Variants in MTR observed in about 807,000 individuals in gnomAD.
The protein encoded by MTR is 5-methyltetrahydrofolate-homocysteine methyltransferase, also known as methionine synthase.
A neutral mutation model predicts 154.8 loss-of-function variants in MTR; 84 were observed. That is an observed-to-expected ratio of 0.54 (90% CI 0.45 to 0.65). The LOEUF (loss-of-function observed/expected upper bound fraction) is 0.65. Ranked by LOEUF, MTR falls within the 30% of genes least tolerant of loss-of-function variation. The pLI, the probability that MTR is intolerant of heterozygous loss-of-function variation, is 0.00. For missense variants in MTR, 1,275 were observed against 1,570.2 expected (o/e 0.81, Z 3.18); for synonymous variants, 554 against 553.9 (o/e 1.00, Z 0.00).
At chr1:236,890,943 C>T (rs115468113) in intron 28 of MTR, among the ~76,000 whole-genome samples, 190 bp from the exon 29 acceptor site, 14 of 152,264 alleles carry the variant, frequency 9.2e-5, no homozygotes, top group African/African-American at 3.4e-4. Flanking sequence ...CTGCACTTAG[C>T]AGGAGCCGCA....
rs1485460232 is a variant in MTR at position 236,873,765 on chromosome 1, T to G, written c.2406-8T>G. 1 of 1,612,900 alleles carries G rather than the reference T, an allele frequency of 6.2e-7. No homozygotes were observed. The highest frequency in any genetic ancestry group is 1.7e-5 in the Admixed American group (1 of 60,028). ...TTAATTTTCTCATGTCTCATTTCTG[T>G]GCCTCAGAGTTATTGATTTAGGAGT... is the stretch of plus-strand genomic sequence containing the variant. On this transcript the variant is annotated splice_region_variant and splice_polypyrimidine_tract_variant and intron_variant, in intron 22 of 32. Transcript: ENST00000366577.
chr1:236,825,312 A>G, intron 9 of MTR, 26 bp from the exon 10 acceptor site: 3 of 1,585,614 alleles, frequency 1.9e-6, no homozygotes, highest in Non-Finnish European at 2.6e-6. Context: ...GCAATTTGCA[A>G]TAATGGTTGA....
rs1222947869 is a variant in MTR at position 236,805,993 on chromosome 1, T to C, written c.250-151T>C. The C allele has an allele frequency of 7.1e-6, 5 of 704,146 alleles. No individual in the cohort carries two copies. In the Admixed American group the frequency reaches 1.1e-4, roughly 15 times the overall value. 43.6% of individuals were successfully genotyped at this position (704,146 alleles called of 1,614,324 possible). ...GCCTTTCTGTGAAATCCTTACACCT[T>C]TTTGCATCTCTACCTTCTAATGCAG... On this transcript the variant is annotated intron_variant, in intron 2 of 32. Coordinates refer to ENST00000366577, the MANE Select transcript of MTR (RefSeq NM_000254.3).
At chr1:236,850,133 A>G (rs1233932314) in intron 15 of MTR, among the ~76,000 whole-genome samples, 1 of 152,162 alleles carries the variant, frequency 6.6e-6, no homozygotes, top group East Asian at 1.9e-4. Flanking sequence ...AGATAATTTG[A>G]TAAGTGATCG....
At chr1:236,822,303 G>GTTT (rs1198665229) in intron 8 of MTR, among the ~76,000 whole-genome samples, 141 of 115,078 alleles carry the variant, frequency 1.2e-3, no homozygotes, top group South Asian at 1.7e-3. Flanking sequence ...GTTTTGTGGG[G>GTTT]TTTTTTTTGT....
At chr1:236,817,350 A>C (rs1355189839) in intron 8 of MTR, among the ~76,000 whole-genome samples, 2 of 151,022 alleles carry the variant, frequency 1.3e-5, no homozygotes, top group Non-Finnish European at 2.9e-5. Flanking sequence ...ACTTCTTCTT[A>C]GCCTTTAAGA....
intron 16 of MTR, among the ~76,000 whole-genome samples, chr1:236,851,995 C>G (rs1266612597): frequency 6.6e-6 from 1 of 152,114 alleles, no homozygotes; most frequent in African/African-American, 2.4e-5. Context: ...AGCATAGACC[C>G]AGAAGTGGTT....
In MTR at chr1:236,900,175, C is replaced by A; in HGVS notation, c.*2531C>A. On this transcript the variant is annotated 3_prime_UTR_variant, in exon 33 of 33. Transcript: ENST00000366577. ...AAAAAGTGAAATGTATGTCTGTCTA[C>A]AGGAAAATAGGTGAATAATTAGATA... 2.5e-6 allele frequency: 1 copy of A among 405,076 alleles called. No individual in the cohort carries two copies. Among genetic ancestry groups the A allele is most frequent in the Non-Finnish European group, 4.9e-6 (1 of 202,084 alleles). The allele number at this position is 405,076 out of a possible 1,614,324, so 25.1% of individuals were successfully genotyped here.
intron 15 of MTR, among the ~76,000 whole-genome samples, chr1:236,850,051 T>G (rs887369605): frequency 1.3e-5 from 2 of 152,128 alleles, no homozygotes; most frequent in African/African-American, 4.8e-5. Flanking sequence ...TAAGGTTTGA[T>G]TTTTTGCAGA....
At chr1:236,802,088 T>G (rs1024520305) in intron 1 of MTR, among the ~76,000 whole-genome samples, 5 of 152,194 alleles carry the variant, frequency 3.3e-5, no homozygotes, top group African/African-American at 1.2e-4. Flanking sequence ...GTGGGACCAT[T>G]GTGCATGGCA....
chr1:236,867,501 A>T (rs1399072392), intron 22 of MTR, among the ~76,000 whole-genome samples: 3 of 152,208 alleles, frequency 2.0e-5, no homozygotes, highest in Non-Finnish European at 4.4e-5. Flanking sequence ...CTGCTAACAC[A>T]ACATCCATTC....
chr1:236,902,492 T>G lies in MTR; in HGVS notation c.*4848T>G, dbSNP rs1351295679. ...GTCTAAAATAGTGCTTGCTTTATGA[T>G]AGGTGCTCAGTAAAGGTTGTCTTGA... On this transcript the variant is annotated 3_prime_UTR_variant, in exon 33 of 33. Coordinates refer to ENST00000366577, the MANE Select transcript of MTR (RefSeq NM_000254.3). 1.3e-5 allele frequency: 2 copies of G among 152,354 alleles called. No individual in the cohort carries two copies. The highest frequency in any genetic ancestry group is 4.8e-5 in the African/African-American group (2 of 41,564). The allele number at this position is 152,354 out of a possible 1,614,324, so 9.4% of individuals were successfully genotyped here. A position where few individuals can be genotyped will look rare whatever the true frequency, so the allele number is the denominator to read the frequency against.
rs1409075366 is a variant in MTR at position 236,862,281 on chromosome 1, A to G, written c.2242A>G (p.Ile748Val). The change falls in exon 21 of 33, where the codon ATC becomes GTC. Residue 748 changes from isoleucine (I) to valine (V), a missense_variant. Ile to Val is a conservative substitution (Grantham distance 29, BLOSUM62 3). Coordinates refer to ENST00000366577, the MANE Select transcript of MTR (RefSeq NM_000254.3). Reference sequence around the variant, plus strand: ...TATGAAGAAGGCTGTTGGCCACCTTATCCCTTTCATGGAAAAAGAAAGAGA... The same window carrying G: ...TATGAAGAAGGCTGTTGGCCACCTTGTCCCTTTCATGGAAAAAGAAAGAGA... ...RVMKKAVGHL[I>V]PFMEKEREET... is the part of the protein sequence containing the mutation. 3.7e-6 allele frequency: 6 copies of G among 1,614,036 alleles called. No homozygotes were observed. The highest frequency in any genetic ancestry group is 5.1e-6 in the Non-Finnish European group (6 of 1,179,906).
intron 1 of MTR, among the ~76,000 whole-genome samples, chr1:236,802,501 G>T (rs1358210308): frequency 6.6e-6 from 1 of 152,074 alleles, no homozygotes; most frequent in African/African-American, 2.4e-5. Flanking sequence ...GCAGTGGGAG[G>T]TGTTGGTCAT....
intron 15 of MTR, among the ~76,000 whole-genome samples, chr1:236,845,751 A>C (rs1006506939): frequency 6.6e-6 from 1 of 152,230 alleles, no homozygotes; most frequent in African/African-American, 2.4e-5. Flanking sequence ...AATTGTCATA[A>C]ATATTGAAAA....
intron 1 of MTR, among the ~76,000 whole-genome samples, chr1:236,797,005 A>C (rs1489613664): frequency 6.6e-6 from 1 of 151,362 alleles, no homozygotes; most frequent in African/African-American, 2.5e-5. Flanking sequence ...AATACTGTGA[A>C]TAGTGAGTGA....
Position 236,795,748 on chromosome 1 carries a change from G to C in MTR, c.34+11G>C, listed in dbSNP as rs1451478728. 1.9e-6 allele frequency: 3 copies of C among 1,614,026 alleles called. No individual in the cohort carries two copies. In the East Asian group the frequency reaches 6.7e-5, roughly 36 times the overall value. On this transcript the variant is annotated intron_variant, in intron 1 of 32. Transcript: ENST00000366577. ...ACCTGTCGCAACCCGGTAACGCTGCGACCCCGTCTGCGTGGTTGGGTTGTG... is the reference window on the plus strand; with the variant it reads ...ACCTGTCGCAACCCGGTAACGCTGCCACCCCGTCTGCGTGGTTGGGTTGTG...
chr1:236,882,409 G>A (rs974806174), intron 25 of MTR, among the ~76,000 whole-genome samples: 4 of 99,534 alleles, frequency 4.0e-5, no homozygotes, highest in African/African-American at 1.6e-4. Context: ...TTTTTTTTTT[G>A]AGACGGATTG....
In MTR at chr1:236,901,836, G is replaced by T. The variant is rs1354171897; in HGVS notation, c.*4192G>T. The T allele has an allele frequency of 1.3e-5, 2 of 152,180 alleles. No homozygotes were observed. The highest frequency in any genetic ancestry group is 6.5e-5 in the Admixed American group (1 of 15,272). The allele number at this position is 152,180 out of a possible 1,614,324, so 9.4% of individuals were successfully genotyped here. ...CATCTCCAAACACCATCATTCTGGG[G>T]ATTCCATTTCAACATGATTTGGGGG... On this transcript the variant is annotated 3_prime_UTR_variant, in exon 33 of 33. Transcript: ENST00000366577.
Sources: gnomAD v4.1 joint callset for allele counts (sites outside exome capture counted in the v4.1 genomes callset) on GRCh38, gnomAD v4.1.1 for gene constraint, MANE v1.5 for transcripts, NCBI Gene and HGNC (gene_info 2026-07-23, HGNC 2026-07-21) for gene names.